Variants in LRP1B observed in about 807,000 individuals in gnomAD.
LRP1B encodes low-density lipoprotein receptor-related protein 1B.
In LRP1B, 217 loss-of-function variants were observed where a neutral mutation model predicts 556.6. That is an observed-to-expected ratio of 0.39 (90% CI 0.35 to 0.44). LRP1B has a LOEUF of 0.44. LRP1B is among the 20% of genes least tolerant of loss of function. The pLI is 1.00. For missense variants in LRP1B, 5,053 were observed against 5,620.8 expected (o/e 0.90, Z 3.23); for synonymous variants, 2,047 against 1,865.8 (o/e 1.10, Z -2.50).
At chr2:141,517,257 A>AATACACACACACACACACACACACAC (rs1190662583) in intron 2 of LRP1B, among the ~76,000 whole-genome samples, 405 of 4,008 alleles carry the variant, frequency 0.1, 5 homozygotes, top group Admixed American at 0.24. Flanking sequence ...GAAGGACAAG[A>AATACACACACACACACACACACACAC]ATACGCACAC....
chr2:142,034,534 T>C (rs72990348), intron 1 of LRP1B, among the ~76,000 whole-genome samples: 6,599 of 151,790 alleles, frequency 0.043, 493 homozygotes, highest in African/African-American at 0.15. Flanking sequence ...CCCCATTCAA[T>C]TGGAAGTACT....
At position 141,894,357 on chromosome 2, in the gene LRP1B, C is replaced by G. The variant is rs370565307; in HGVS notation, c.83-83956G>C. Among the ~76,000 whole-genome samples, 133 of 151,192 alleles carry G rather than the reference C, an allele frequency of 8.8e-4. 1 individual carries two copies. The highest frequency in any genetic ancestry group is 3.1e-3 in the African/African-American group (127 of 41,322). ...CCCTCCCTCCTTCCCTCCCTTTCTT[C>G]CTGCCTGCCCTACCCCCTCCCTCCT... On this transcript the variant is annotated intron_variant, in intron 1 of 90. Coordinates refer to ENST00000389484, the MANE Select transcript of LRP1B (RefSeq NM_018557.3).
At chr2:140,362,846 G>A (rs1174671279) in intron 72 of LRP1B, among the ~76,000 whole-genome samples, 1 of 151,470 alleles carries the variant, frequency 6.6e-6, no homozygotes, top group Non-Finnish European at 1.5e-5. Flanking sequence ...ATATTTTTGT[G>A]CACATTAATA....
intron 75 of LRP1B, among the ~76,000 whole-genome samples, chr2:140,354,955 C>T (rs1011833833): frequency 3.3e-5 from 5 of 151,844 alleles, no homozygotes; most frequent in African/African-American, 1.2e-4. Flanking sequence ...ATTATAGAAT[C>T]CAATTATGTC....
chr2:142,034,536 G>A lies in LRP1B; in HGVS notation c.82+96112C>T, dbSNP rs191264658. 1.8e-3 allele frequency among the ~76,000 whole-genome samples: 278 copies of A among 151,672 alleles called. 1 individual carries two copies. Among genetic ancestry groups the A allele is most frequent in the African/African-American group, 6.2e-3 (256 of 41,444 alleles). ...GCTTTGGGACCCACCCCATTCAATT[G>A]GAAGTACTATTCTTTTGGAGAGTAG... On this transcript the variant is annotated intron_variant, in intron 1 of 90. Transcript: ENST00000389484.
chr2:140,785,849 G>A (rs1156619600), intron 32 of LRP1B, among the ~76,000 whole-genome samples: 4 of 152,096 alleles, frequency 2.6e-5, no homozygotes, highest in African/African-American at 9.7e-5. Context: ...TCAGTCATCA[G>A]AGGCGAGGCC....
At chr2:140,666,127 G>GGCA (rs1685261363) in intron 41 of LRP1B, among the ~76,000 whole-genome samples, 1 of 151,840 alleles carries the variant, frequency 6.6e-6, no homozygotes, top group Non-Finnish European at 1.5e-5. Flanking sequence ...CCGAGTAGTT[G>GGCA]GGACTACAGG....
intron 3 of LRP1B, among the ~76,000 whole-genome samples, chr2:141,424,169 A>C (rs1680262999): frequency 6.9e-6 from 1 of 145,748 alleles, no homozygotes; most frequent in East Asian, 2.1e-4. Context: ...GCTGGAGGGC[A>C]AAGGCGCAAT....
chr2:140,891,821 G>A (rs1693808106), intron 23 of LRP1B, among the ~76,000 whole-genome samples: 1 of 152,122 alleles, frequency 6.6e-6, no homozygotes, highest in African/African-American at 2.4e-5. Context: ...GCTGTCTCTT[G>A]ACATTTTTTT....
intron 2 of LRP1B, among the ~76,000 whole-genome samples, chr2:141,522,611 A>T (rs1212545438): frequency 1.3e-5 from 2 of 152,122 alleles, no homozygotes; most frequent in African/African-American, 4.8e-5. Context: ...AAAGAGTCAG[A>T]CTCGGGGAGA....
At chr2:140,851,331 T>C (rs1692450303) in intron 28 of LRP1B, among the ~76,000 whole-genome samples, 1 of 152,162 alleles carries the variant, frequency 6.6e-6, no homozygotes, top group African/African-American at 2.4e-5. Context: ...CATTTTCTGA[T>C]AATGCACTTT....
chr2:141,200,220 T>C (rs1303532787), intron 6 of LRP1B, among the ~76,000 whole-genome samples: 2 of 151,984 alleles, frequency 1.3e-5, no homozygotes, highest in African/African-American at 4.8e-5. Flanking sequence ...ATAGTACATA[T>C]ACACCAAAGA....
At chr2:141,732,235 T>C (rs986052317) in intron 2 of LRP1B, among the ~76,000 whole-genome samples, 1 of 152,152 alleles carries the variant, frequency 6.6e-6, no homozygotes, top group African/African-American at 2.4e-5. Context: ...CGTTGGGGAA[T>C]TACTACGAAA....
At chr2:141,875,324 A>G (rs1004400200) in intron 1 of LRP1B, among the ~76,000 whole-genome samples, 2 of 151,824 alleles carry the variant, frequency 1.3e-5, no homozygotes, top group Admixed American at 1.3e-4. Context: ...GCCAATATTT[A>G]TCATATATAT....
chr2:140,937,494 C>T (rs373823658), intron 20 of LRP1B, among the ~76,000 whole-genome samples: 3 of 152,028 alleles, frequency 2.0e-5, no homozygotes, highest in South Asian at 4.1e-4. Flanking sequence ...TACAGTTTTG[C>T]GAGATGACAA....
intron 7 of LRP1B, among the ~76,000 whole-genome samples, chr2:141,142,009 T>A (rs10928099): frequency 0.35 from 53,725 of 151,668 alleles, 10,721 homozygotes; most frequent in Non-Finnish European, 0.46. Flanking sequence ...GTTTTTTTTT[T>A]TCTAAAATGT....
chr2:141,209,614 G>A (rs756178605), intron 6 of LRP1B, among the ~76,000 whole-genome samples: 1 of 152,142 alleles, frequency 6.6e-6, no homozygotes, highest in Non-Finnish European at 1.5e-5. Flanking sequence ...TATATAACAT[G>A]CAAAATTTCA....
At chr2:140,585,007 CTT>C (rs1681928320) in intron 43 of LRP1B, among the ~76,000 whole-genome samples, 1 of 151,828 alleles carries the variant, frequency 6.6e-6, no homozygotes, top group Non-Finnish European at 1.5e-5. Context: ...ATGCATCAGA[CTT>C]TGGGTATATT....
intron 80 of LRP1B, among the ~76,000 whole-genome samples, chr2:140,324,959 GTTTTTCT>G (rs1558802513): frequency 2.0e-5 from 3 of 147,178 alleles, no homozygotes; most frequent in African/African-American, 7.5e-5. Context: ...TGATTTAGTT[GTTTTTCT>G]TTTAACTTCC....
Sources: allele counts gnomAD v4.1 joint callset (sites outside exome capture counted in the v4.1 genomes callset), GRCh38; gene constraint gnomAD v4.1.1; transcripts MANE v1.5; gene names NCBI Gene and HGNC (gene_info 2026-07-23, HGNC 2026-07-21).